Variants in ST6GALNAC5 observed in about 807,000 individuals in gnomAD.
ST6GALNAC5 encodes the protein alpha-N-acetylgalactosaminide alpha-2,6-sialyltransferase 5.
ST6GALNAC5 carries 27 observed loss-of-function variants against 33.6 expected under a neutral mutation model. That is an observed-to-expected ratio of 0.80 (90% CI 0.59 to 1.11). The LOEUF (loss-of-function observed/expected upper bound fraction) is 1.11, where lower values mean the gene tolerates loss of function less well. Among genes scored for constraint, ST6GALNAC5 ranks in the 50% least tolerant of loss-of-function variants. The probability of loss-of-function intolerance (pLI) is 0.00; values close to 1 mark genes in which losing one functional copy is unlikely to be tolerated. For missense variants in ST6GALNAC5, 428 were observed against 454.0 expected (o/e 0.94, Z 0.52); for synonymous variants, 194 against 171.2 (o/e 1.13, Z -1.04).
chr1:77,062,329 G>A (rs1652604597), intron 4 of ST6GALNAC5, among the ~76,000 whole-genome samples: 1 of 152,144 alleles, frequency 6.6e-6, no homozygotes, highest in Non-Finnish European at 1.5e-5. Context: ...TGTCAGGTAA[G>A]GCCTCTCAGA....
intron 2 of ST6GALNAC5, among the ~76,000 whole-genome samples, chr1:77,005,055 T>C (rs376861961): frequency 2.7e-4 from 41 of 151,812 alleles, no homozygotes; most frequent in Admixed American, 7.9e-4. Context: ...GTTTACCTAA[T>C]CAAGCCTGGG....
chr1:77,011,244 A>G (rs911923928), intron 2 of ST6GALNAC5, among the ~76,000 whole-genome samples: 7 of 152,228 alleles, frequency 4.6e-5, no homozygotes, highest in Non-Finnish European at 1.0e-4. Flanking sequence ...AGCAGCATTC[A>G]GATATGTAGA....
chr1:76,868,715 C>A lies in ST6GALNAC5; in HGVS notation c.234C>A (p.Asp78Glu). 6.6e-7 allele frequency: 1 copy of A among 1,520,574 alleles called. No homozygotes were observed. The highest frequency in any genetic ancestry group is 1.3e-5 in the South Asian group (1 of 79,168). 94.2% of individuals were successfully genotyped at this position (1,520,574 alleles called of 1,614,324 possible). ...TCCCCGCGGGACCGCGGCCACTGGA[C>A]GGATACCTCGGAGTGGCGGACCACA... ...PGVPAGPRPL[D>E]GYLGVADHKP... The change falls in exon 2 of 5, where the codon GAC becomes GAA. Residue 78 changes from aspartate to glutamate, a missense_variant. Transcript: ENST00000477717. This position sits in a 1 kb window ranked among gnomAD's most constrained non-coding sequence, Gnocchi z 4.3.
chr1:77,004,619 G>GT (rs1415599572), intron 2 of ST6GALNAC5, among the ~76,000 whole-genome samples: 1 of 124,540 alleles, frequency 8.0e-6, no homozygotes, highest in African/African-American at 2.5e-5. Flanking sequence ...CATCTTTGTG[G>GT]TTTTATCTAC....
intron 2 of ST6GALNAC5, among the ~76,000 whole-genome samples, chr1:76,922,956 A>C (rs528998885): frequency 6.7e-6 from 1 of 150,232 alleles, no homozygotes; most frequent in South Asian, 2.1e-4. Context: ...AAAAGAAAAA[A>C]GAAAAGAAAC....
At chr1:76,910,734 T>C (rs1313071434) in intron 2 of ST6GALNAC5, among the ~76,000 whole-genome samples, 2 of 152,092 alleles carry the variant, frequency 1.3e-5, no homozygotes, top group Non-Finnish European at 2.9e-5. Context: ...AACGTCTGCA[T>C]CCATACAGTT....
At chr1:77,016,277 C>T (rs1398649398) in intron 2 of ST6GALNAC5, among the ~76,000 whole-genome samples, 2 of 126,634 alleles carry the variant, frequency 1.6e-5, no homozygotes, top group African/African-American at 6.1e-5. Flanking sequence ...TATCTCCTCC[C>T]CCTCATCCTC....
chr1:76,966,197 TGGC>T (rs1357471148), intron 2 of ST6GALNAC5, among the ~76,000 whole-genome samples: 1 of 152,104 alleles, frequency 6.6e-6, no homozygotes, highest in Non-Finnish European at 1.5e-5. Context: ...TTGGGCAATA[TGGC>T]CATTTTCACC....
intron 4 of ST6GALNAC5, among the ~76,000 whole-genome samples, chr1:77,053,324 T>C (rs1013594951): frequency 6.6e-6 from 1 of 152,194 alleles, no homozygotes; most frequent in African/African-American, 2.4e-5. Context: ...AGAGCTCACA[T>C]TGGCTGGGCC....
chr1:76,884,035 C>T (rs1235059460), intron 2 of ST6GALNAC5, among the ~76,000 whole-genome samples: 1 of 152,094 alleles, frequency 6.6e-6, no homozygotes, highest in African/African-American at 2.4e-5. Flanking sequence ...AGTGGATCAC[C>T]CTGGCTTCAG....
intron 2 of ST6GALNAC5, among the ~76,000 whole-genome samples, chr1:76,936,478 A>G (rs1257274142): frequency 6.6e-6 from 1 of 152,050 alleles, no homozygotes; most frequent in Admixed American, 6.6e-5. Context: ...TAGTAAGAAA[A>G]AGGTGCACCC....
intron 2 of ST6GALNAC5, among the ~76,000 whole-genome samples, chr1:76,937,703 CTGA>C (rs1351398912): frequency 1.3e-5 from 2 of 152,078 alleles, no homozygotes; most frequent in African/African-American, 4.8e-5. Context: ...GTACCTCACA[CTGA>C]TGTTAGCCCC....
At chr1:76,935,365 T>A (rs1365838857) in intron 2 of ST6GALNAC5, among the ~76,000 whole-genome samples, 11 of 152,082 alleles carry the variant, frequency 7.2e-5, no homozygotes, top group Admixed American at 7.2e-4. Flanking sequence ...GAATTCATTT[T>A]TTAAAAATCC....
chr1:76,946,662 A>G (rs1304914596), intron 2 of ST6GALNAC5, among the ~76,000 whole-genome samples: 1 of 152,164 alleles, frequency 6.6e-6, no homozygotes, highest in Non-Finnish European at 1.5e-5. Flanking sequence ...AGTGGTCTGT[A>G]CATGATAAAT....
At chr1:76,890,927 C>T (rs547177245) in intron 2 of ST6GALNAC5, among the ~76,000 whole-genome samples, 3 of 152,088 alleles carry the variant, frequency 2.0e-5, no homozygotes, top group Non-Finnish European at 4.4e-5. Context: ...GAGAGGTTGG[C>T]AGCAAATAAC....
In ST6GALNAC5 at chr1:76,868,408, G is replaced by A; in HGVS notation, c.16-89G>A. On this transcript the variant is annotated intron_variant, in intron 1 of 4. Transcript: ENST00000477717. This position sits in a 1 kb window ranked among gnomAD's most constrained non-coding sequence, Gnocchi z 4.3. ...GCCGCCCCAAATCTCCCCCACTAGAGTGACCACCGCACAGTTGTCCCCGCT... is the reference window on the plus strand; with the variant it reads ...GCCGCCCCAAATCTCCCCCACTAGAATGACCACCGCACAGTTGTCCCCGCT... The A allele has an allele frequency of 6.7e-7, 1 of 1,501,132 alleles. No individual in the cohort carries two copies. Among genetic ancestry groups the A allele is most frequent in the Non-Finnish European group, 8.9e-7 (1 of 1,123,176 alleles). 93.0% of individuals were successfully genotyped at this position (1,501,132 alleles called of 1,614,324 possible).
intron 2 of ST6GALNAC5, among the ~76,000 whole-genome samples, chr1:76,997,660 C>T (rs976212334): frequency 3.3e-5 from 5 of 152,050 alleles, no homozygotes; most frequent in African/African-American, 1.2e-4. Flanking sequence ...GTCTATAGTT[C>T]AGGTTATATT....
chr1:76,946,615 A>G (rs1166422274), intron 2 of ST6GALNAC5, among the ~76,000 whole-genome samples: 1 of 152,134 alleles, frequency 6.6e-6, no homozygotes, highest in Non-Finnish European at 1.5e-5. Flanking sequence ...CCCCAAACCC[A>G]AATTGCCTTA....
chr1:76,889,588 A>T (rs1269625159), intron 2 of ST6GALNAC5, among the ~76,000 whole-genome samples: 1 of 152,160 alleles, frequency 6.6e-6, no homozygotes, highest in Non-Finnish European at 1.5e-5. Context: ...GTTGTGTGCC[A>T]TCAGGCAAAT....
Sources: gnomAD v4.1 joint callset for allele counts (sites outside exome capture counted in the v4.1 genomes callset) on GRCh38, gnomAD v4.1.1 for gene constraint, Gnocchi (gnomAD v3.1) non-coding constraint, MANE v1.5 for transcripts, NCBI Gene and HGNC (gene_info 2026-07-23, HGNC 2026-07-21) for gene names.